Variants in DHX9 observed in about 807,000 individuals in gnomAD.
DHX9 encodes DExH-box helicase 9.
A neutral mutation model predicts 148.7 loss-of-function variants in DHX9; 27 were observed. The observed-to-expected ratio is 0.18, with a 90% confidence interval of 0.13 to 0.25. The LOEUF (loss-of-function observed/expected upper bound fraction) is 0.25, where lower values mean the gene tolerates loss of function less well. DHX9 is among the 10% of genes least tolerant of loss of function. DHX9 has a pLI of 1.00. For missense variants in DHX9, 796 were observed against 1,559.6 expected, an observed-to-expected ratio of 0.51 and a Z score of 8.25; for synonymous variants, 529 against 516.6, an observed-to-expected ratio of 1.02 and a Z score of -0.33.
rs1335325973 is a variant in DHX9, at chr1:182,879,361, T to C, written c.2463T>C (p.Ile821=). The change falls in exon 21 of 28, where the codon ATT becomes ATC. Residue 821 remains isoleucine, a synonymous_variant. Transcript: ENST00000367549. ...GGIGQFLAKA[I]EPPPLDAVIE... ...TTGGCCAATTTCTGGCCAAAGCAAT[T>C]GAACCTCCCCCTTTGGATGCTGTGA... 6.5e-7 allele frequency: 1 copy of C among 1,532,790 alleles called. No homozygotes were observed. The highest frequency in any genetic ancestry group is 1.4e-5 in the African/African-American group (1 of 74,062). 94.9% of individuals were successfully genotyped at this position (1,532,790 alleles called of 1,614,324 possible). A position where few individuals can be genotyped will look rare whatever the true frequency, so the allele number is the denominator to read the frequency against.
At chr1:182,885,928 G>A (rs1027240960) in intron 27 of DHX9, among the ~76,000 whole-genome samples, 5 of 152,208 alleles carry the variant, frequency 3.3e-5, no homozygotes, top group African/African-American at 9.7e-5. Flanking sequence ...GCAAGGAGCC[G>A]CTGTGTATAT....
intron 5 of DHX9, among the ~76,000 whole-genome samples, chr1:182,853,760 A>C (rs796406717): frequency 5.3e-5 from 8 of 152,148 alleles, no homozygotes; most frequent in African/African-American, 1.9e-4. Flanking sequence ...CACTTCATGT[A>C]TTCAGTGTTA....
intron 21 of DHX9, 111 bp downstream of exon 21, chr1:182,879,521 G>C (rs1648985401): frequency 1.9e-6 from 2 of 1,071,194 alleles, no homozygotes; most frequent in African/African-American, 3.2e-5. Flanking sequence ...AGTCAACAGG[G>C]CTGTGATAAT....
chr1:182,859,842 A>G (rs958780002), intron 11 of DHX9, 151 bp from the exon 12 acceptor site: 25 of 621,116 alleles, frequency 4.0e-5, no homozygotes, highest in Non-Finnish European at 6.2e-5. Context: ...CGAACTCCTC[A>G]CCTCATGATC....
At chr1:182,873,518 C>G (rs541502249) in intron 15 of DHX9, among the ~76,000 whole-genome samples, 1 of 152,102 alleles carries the variant, frequency 6.6e-6, no homozygotes, top group Non-Finnish European at 1.5e-5. Flanking sequence ...GTGGTGGGAG[C>G]TCAGTTTCTT....
In DHX9 at chr1:182,852,339, A is replaced by T; in HGVS notation, c.359A>T (p.Lys120Ile). The T allele has an allele frequency of 6.2e-7, 1 of 1,607,626 alleles. No individual in the cohort carries two copies. Residue 120 changes from lysine (K) to isoleucine (I), a missense_variant, in exon 4 of 28, where the codon AAA (lysine) becomes ATA (isoleucine). By Grantham distance (102) the Lys-to-Ile change is moderately radical. Around this residue, in one of 14 missense-constraint regions of DHX9, gnomAD observed 89 missense variants for 77.5 expected, o/e 1.15. Coordinates refer to ENST00000367549, the MANE Select transcript of DHX9 (RefSeq NM_001357.5). ...CCTCTTCCTCCACATCTGGCTCTCA[A>T]AGCAGGTAAGGGACTTGAATCCATG... is the stretch of plus-strand genomic sequence containing the variant. Reference protein sequence around the residue: ...GGPLPPHLALKAENNSEVGAS... With the variant: ...GGPLPPHLALIAENNSEVGAS...
intron 11 of DHX9, 36 bp downstream of exon 11, chr1:182,859,153 G>A: frequency 1.3e-6 from 2 of 1,580,162 alleles, no homozygotes; most frequent in Non-Finnish European, 8.7e-7. Flanking sequence ...AGTGCTCAGA[G>A]CTTCAGAATG....
chr1:182,851,071 T>A (rs1197921194), intron 3 of DHX9, among the ~76,000 whole-genome samples: 1 of 152,150 alleles, frequency 6.6e-6, no homozygotes, highest in East Asian at 1.9e-4. Flanking sequence ...GCCCAGTGAA[T>A]TTTTCCTGTG....
intron 4 of DHX9, 81 bp downstream of exon 4, chr1:182,852,425 T>C: frequency 1.0e-6 from 1 of 956,822 alleles, no homozygotes; most frequent in Non-Finnish European, 1.5e-6. Context: ...TCGTTTTGGG[T>C]AGAAAGAACT....
chr1:182,887,256 C>T lies in DHX9; in HGVS notation c.3635C>T (p.Ala1212Val). The T allele has an allele frequency of 6.2e-7, 1 of 1,614,024 alleles. No homozygotes were observed. ...AACTCCTTTCGGGCAGGATATGGTG[C>T]AGGTGTTGGTGGAGGCTATAGAGGA... is the stretch of plus-strand genomic sequence containing the variant. ...SANSFRAGYG[A>V]GVGGGYRGVS... The change falls in exon 28 of 28, where the codon GCA (alanine) becomes GTA (valine). Residue 1212 changes from alanine (A) to valine (V), a missense_variant. Physicochemically the swap from Ala to Val is moderately conservative, Grantham distance 64 (BLOSUM62 0). Coordinates refer to ENST00000367549, the MANE Select transcript of DHX9 (RefSeq NM_001357.5).
chr1:182,879,569 A>G (rs995493480), intron 21 of DHX9, among the ~76,000 whole-genome samples, 159 bp downstream of exon 21: 1 of 152,228 alleles, frequency 6.6e-6, no homozygotes, highest in African/African-American at 2.4e-5. Context: ...GATAGTTAGT[A>G]TAGTCACTGT....
chr1:182,861,062 T>A (rs1350351842), intron 12 of DHX9, among the ~76,000 whole-genome samples: 1 of 152,266 alleles, frequency 6.6e-6, no homozygotes, highest in African/African-American at 2.4e-5. Flanking sequence ...CATTTACATT[T>A]GCATGTATAA....
intron 19 of DHX9, 72 bp from the exon 20 acceptor site, chr1:182,877,949 C>A: frequency 1.3e-6 from 2 of 1,539,260 alleles, no homozygotes; most frequent in Non-Finnish European, 1.8e-6. Context: ...AAAGCATTCA[C>A]TACTTAGTGG....
intron 6 of DHX9, among the ~76,000 whole-genome samples, chr1:182,854,486 G>A (rs1230127369): frequency 6.6e-6 from 1 of 152,140 alleles, no homozygotes; most frequent in African/African-American, 2.4e-5. Flanking sequence ...GTCCCTAGTT[G>A]ATGTAAAAGC....
intron 14 of DHX9, among the ~76,000 whole-genome samples, chr1:182,870,472 G>A (rs1460526242): frequency 6.6e-6 from 1 of 152,120 alleles, no homozygotes; most frequent in East Asian, 1.9e-4. Flanking sequence ...ATAAGACAGG[G>A]CACAAAAGCA....
chr1:182,883,203 C>T lies in DHX9; in HGVS notation c.2979C>T (p.Ser993=). 1 of 1,614,088 alleles carries T rather than the reference C, an allele frequency of 6.2e-7. No homozygotes were observed. ...GPDNNLDVVI[S]LLAFGVYPNV... ...ATAATAATTTGGATGTTGTTATCTC[C>T]CTCCTGGCCTTTGGTGTGTACCCCA... is the stretch of plus-strand genomic sequence containing the variant. Residue 993 remains serine, a synonymous_variant, in exon 25 of 28, where the codon TCC becomes TCT. Coordinates refer to ENST00000367549, the MANE Select transcript of DHX9 (RefSeq NM_001357.5).
At chr1:182,858,058 C>T in intron 7 of DHX9, 46 bp from the exon 8 acceptor site, 1 of 1,580,676 alleles carries the variant, frequency 6.3e-7, no homozygotes, top group Non-Finnish European at 8.6e-7. Context: ...TGTTTCTTTA[C>T]TCAGATGATT....
chr1:182,857,987 T>C (rs1296268971), intron 7 of DHX9, 117 bp from the exon 8 acceptor site: 4 of 1,015,108 alleles, frequency 3.9e-6, no homozygotes, highest in Admixed American at 2.8e-5. Flanking sequence ...CTAGAAGCCA[T>C]GGCATACCCT....
At chr1:182,882,424 G>A (rs978860950) in intron 24 of DHX9, among the ~76,000 whole-genome samples, 8 of 152,094 alleles carry the variant, frequency 5.3e-5, no homozygotes, top group Non-Finnish European at 1.0e-4. Context: ...GGGTAAAAAC[G>A]TCAGCCTTCA....
Sources: gnomAD v4.1 joint callset for allele counts (sites outside exome capture counted in the v4.1 genomes callset) on GRCh38, gnomAD v4.1.1 for gene constraint, gnomAD v4.1.1 regional missense constraint, MANE v1.5 for transcripts, NCBI Gene and HGNC (gene_info 2026-07-23, HGNC 2026-07-21) for gene names.